Variants in ANKRD35 observed in about 807,000 individuals in gnomAD.
ANKRD35 encodes ankyrin repeat domain-containing protein 35.
In ANKRD35, 102 loss-of-function variants were observed where a neutral mutation model predicts 109.9. The observed-to-expected ratio is 0.93, with a 90% confidence interval of 0.79 to 1.09. ANKRD35 has a LOEUF of 1.09. Among genes scored for constraint, ANKRD35 ranks in the 50% least tolerant of loss-of-function variants. The probability of loss-of-function intolerance (pLI) is 0.00; values close to 1 mark genes in which losing one functional copy is unlikely to be tolerated. For synonymous variants in ANKRD35, 515 were observed against 512.4 expected, an observed-to-expected ratio of 1.01 and a Z score of -0.07; for missense variants, 1,240 against 1,230.1, an observed-to-expected ratio of 1.01 and a Z score of -0.12.
Position 145,873,536 on chromosome 1 carries a change from C to T in ANKRD35, c.1233G>A (p.Lys411=). Residue 411 remains lysine, a synonymous_variant, in exon 10 of 14, where the codon AAG becomes AAA. Coordinates refer to ENST00000355594, the MANE Select transcript of ANKRD35 (RefSeq NM_144698.5). ...ACCTTCCATGGACTTCATACTGGAT[C>T]TTTCCTGGGGCTGAGTCCTCAGCCT... ...PKKAEDSAPG[K]IQYEVHGRSQ... is the part of the protein sequence containing the mutation. The T allele has an allele frequency of 6.2e-7, 1 of 1,614,054 alleles. No homozygotes were observed. The highest frequency in any genetic ancestry group is 1.1e-5 in the South Asian group (1 of 91,078).
intron 1 of ANKRD35, among the ~76,000 whole-genome samples, chr1:145,883,644 G>A (rs1553741486): frequency 6.6e-6 from 1 of 152,226 alleles, no homozygotes; most frequent in Non-Finnish European, 1.5e-5. Context: ...ATGTGTGAGT[G>A]GAGATGGGTA....
At position 145,872,539 on chromosome 1, in the gene ANKRD35, G is replaced by A. The variant is rs587654449; in HGVS notation, c.2230C>T (p.Gln744Ter). The change falls in exon 10 of 14, where the codon CAG becomes TAG. Residue 744 changes from glutamine to a stop codon, truncating the protein, a stop_gained. Transcript: ENST00000355594. LOFTEE classifies it high-confidence loss of function. ...TCTTGCAGCCGAGCCAGCACCTGCT[G>A]GGCCTCCCGGTGCCGATCCACCAGG... Reference protein sequence around the residue: ...STLVDRHREAQQVLARLQEEN... With the variant: ...STLVDRHREA The A allele has an allele frequency of 7.5e-6, 12 of 1,607,284 alleles. No individual in the cohort carries two copies. In the East Asian group the frequency reaches 2.5e-4, roughly 33 times the overall value.
chr1:145,872,973 A>G lies in ANKRD35; in HGVS notation c.1796T>C (p.Leu599Pro), dbSNP rs112223977. 5.4e-3 allele frequency: 8,651 copies of G among 1,609,458 alleles called. 436 individuals carry two copies. In the African/African-American group the frequency reaches 0.1, roughly 19 times the overall value. Residue 599 changes from leucine to proline, a missense_variant, in exon 10 of 14, where the codon CTT (leucine) becomes CCT (proline). Coordinates refer to ENST00000355594, the MANE Select transcript of ANKRD35 (RefSeq NM_144698.5). ...PGAQGEPLGALGGEKALGGLA... is the reference protein window; with the variant it reads ...PGAQGEPLGAPGGEKALGGLA... The stretch of plus-strand genomic sequence containing the variant: ...GCCTCCTAGGGCCTTTTCCCCTCCA[A>G]GGGCCCCTAGAGGCTCTCCTTGAGC...
In ANKRD35 at chr1:145,873,683, G is replaced by A; in HGVS notation, c.1086C>T (p.Leu362=). 1 of 1,614,136 alleles carries A rather than the reference G, an allele frequency of 6.2e-7. No homozygotes were observed. Among genetic ancestry groups the A allele is most frequent in the South Asian group, 1.1e-5 (1 of 91,088 alleles). Residue 362 remains leucine (L), a synonymous_variant, in exon 10 of 14, where the codon CTC becomes CTT. Transcript: ENST00000355594. ...PRASGKQGSS[L]RPGGDGMEQG... ...GCTCCATGCCATCCCCTCCAGGCCGGAGACTAGAGCCTTGCTTTCCTGAAG... is the reference window on the plus strand; with the variant it reads ...GCTCCATGCCATCCCCTCCAGGCCGAAGACTAGAGCCTTGCTTTCCTGAAG...
In ANKRD35 at chr1:145,873,859, C is replaced by T. The variant is rs1653953477; in HGVS notation, c.910G>A (p.Glu304Lys). Residue 304 changes from glutamate (E) to lysine (K), a missense_variant, in exon 10 of 14, where the codon GAG becomes AAG. By Grantham distance (56) the Glu-to-Lys change is moderately conservative. Coordinates refer to ENST00000355594, the MANE Select transcript of ANKRD35 (RefSeq NM_144698.5). Reference protein sequence around the residue: ...CSEEWRWKYEEERRKVVRLEQ... With the variant: ...CSEEWRWKYEKERRKVVRLEQ... ...AGCCGAACAACTTTCCTCCGCTCCT[C>T]TTCATACTTCCACCTCCACTCCTCC... 1.9e-6 allele frequency: 3 copies of T among 1,613,628 alleles called. No individual in the cohort carries two copies. Among genetic ancestry groups the T allele is most frequent in the Non-Finnish European group, 1.7e-6 (2 of 1,179,780 alleles).
intron 6 of ANKRD35, 100 bp from the exon 7 acceptor site, chr1:145,876,346 A>C: frequency 7.1e-6 from 9 of 1,273,050 alleles, no homozygotes; most frequent in Non-Finnish European, 1.0e-5. Context: ...AAAAAAAATA[A>C]AAGCCCAGAT....
Position 145,878,494 on chromosome 1 carries a change from G to C in ANKRD35, c.171-15C>G. 1 of 1,558,480 alleles carries C rather than the reference G, an allele frequency of 6.4e-7. No individual in the cohort carries two copies. The highest frequency in any genetic ancestry group is 8.7e-7 in the Non-Finnish European group (1 of 1,149,932). On this transcript the variant is annotated splice_polypyrimidine_tract_variant and intron_variant, in intron 2 of 13. Transcript: ENST00000355594. ...CCAGATGAAACCTGCCAGAATCAAG[G>C]CCGAGAGGCCAAAGGATAAAGGGAC... is the stretch of plus-strand genomic sequence containing the variant.
At chr1:145,868,163 T>C in intron 11 of ANKRD35, 107 bp from the exon 12 acceptor site, 2 of 1,452,558 alleles carry the variant, frequency 1.4e-6, no homozygotes, top group South Asian at 2.3e-5. Flanking sequence ...CGTTGGCCCA[T>C]CACTGGCCCA....
chr1:145,868,409 A>G lies in ANKRD35; in HGVS notation c.2788-9T>C. On this transcript the variant is annotated splice_polypyrimidine_tract_variant and intron_variant, in intron 10 of 13. Coordinates refer to ENST00000355594, the MANE Select transcript of ANKRD35 (RefSeq NM_144698.5). Reference sequence around the variant, plus strand: ...TTCAACAACTCCTTGATCTGAGGCCAAGAGGAAAGAGGCAACCAATGAGGC... The same window carrying G: ...TTCAACAACTCCTTGATCTGAGGCCGAGAGGAAAGAGGCAACCAATGAGGC... 1 of 1,613,652 alleles carries G rather than the reference A, an allele frequency of 6.2e-7. No individual in the cohort carries two copies. The highest frequency in any genetic ancestry group is 8.5e-7 in the Non-Finnish European group (1 of 1,179,578).
chr1:145,871,459 G>A (rs1210407207), intron 10 of ANKRD35, among the ~76,000 whole-genome samples: 1 of 152,180 alleles, frequency 6.6e-6, no homozygotes, highest in South Asian at 2.1e-4. Flanking sequence ...CACCGCGCCC[G>A]GCCTCAAGAT....
At chr1:145,876,760 C>T (rs983337169) in intron 5 of ANKRD35, 56 bp downstream of exon 5, 3 of 1,612,706 alleles carry the variant, frequency 1.9e-6, no homozygotes, top group South Asian at 1.1e-5. Flanking sequence ...CTCACGCCTC[C>T]CCTTTCCCAC....
Position 145,868,415 on chromosome 1 carries a change from A to G in ANKRD35, c.2788-15T>C, listed in dbSNP as rs1653684927. On this transcript the variant is annotated splice_polypyrimidine_tract_variant and intron_variant, in intron 10 of 13. Coordinates refer to ENST00000355594, the MANE Select transcript of ANKRD35 (RefSeq NM_144698.5). Reference sequence around the variant, plus strand: ...AACTCCTTGATCTGAGGCCAAGAGGAAAGAGGCAACCAATGAGGCTCCAAG... The same window carrying G: ...AACTCCTTGATCTGAGGCCAAGAGGGAAGAGGCAACCAATGAGGCTCCAAG... 2.5e-6 allele frequency: 4 copies of G among 1,613,226 alleles called. No homozygotes were observed. Among genetic ancestry groups the G allele is most frequent in the African/African-American group, 1.3e-5 (1 of 74,882 alleles).
intron 6 of ANKRD35, 112 bp downstream of exon 6, chr1:145,876,457 G>GA (rs1470872306): frequency 7.7e-7 from 1 of 1,299,180 alleles, no homozygotes; most frequent in East Asian, 2.3e-5. Flanking sequence ...GGAGAAGGAA[G>GA]AGAAGGGTGG....
chr1:145,876,151 G>T lies in ANKRD35; in HGVS notation c.549C>A (p.Asp183Glu), dbSNP rs1553740016. 6.2e-7 allele frequency: 1 copy of T among 1,613,866 alleles called. No individual in the cohort carries two copies. Among genetic ancestry groups the T allele is most frequent in the South Asian group, 1.1e-5 (1 of 91,020 alleles). ...CGAGGGGGGCTCACTTGTCATTCTT[G>T]TCTGTAACATTAACTCGGGCGCCTC... is the stretch of plus-strand genomic sequence containing the variant. ...LQRGARVNVT[D>E]KNDKSALILA... The change falls in exon 7 of 14, where the codon GAC becomes GAA. Residue 183 changes from aspartate to glutamate, a missense_variant. By Grantham distance (45) the Asp-to-Glu change is conservative (BLOSUM62 2). Coordinates refer to ENST00000355594, the MANE Select transcript of ANKRD35 (RefSeq NM_144698.5).
At chr1:145,879,554 A>C (rs1365392809) in intron 1 of ANKRD35, among the ~76,000 whole-genome samples, 166 bp from the exon 2 acceptor site, 1 of 152,128 alleles carries the variant, frequency 6.6e-6, no homozygotes, top group Non-Finnish European at 1.5e-5. Flanking sequence ...GGGCCTAGCT[A>C]AATCTTAACC....
intron 1 of ANKRD35, among the ~76,000 whole-genome samples, chr1:145,884,660 A>G (rs1272340661): frequency 4.6e-5 from 7 of 151,668 alleles, no homozygotes; most frequent in Non-Finnish European, 1.5e-5. Context: ...CTGGGAGAAC[A>G]TGGGGAATAG....
chr1:145,876,102 G>T (rs1553739993), intron 7 of ANKRD35, 38 bp downstream of exon 7: 2 of 1,587,212 alleles, frequency 1.3e-6, no homozygotes, highest in South Asian at 2.2e-5. Context: ...AAATTGGTCA[G>T]GCATGGGAAT....
rs782125816 is a variant in ANKRD35, at chr1:145,876,873, G to A, written c.325C>T (p.His109Tyr). The A allele has an allele frequency of 1.2e-5, 19 of 1,613,904 alleles. No individual in the cohort carries two copies. Among genetic ancestry groups the A allele is most frequent in the Non-Finnish European group, 2.5e-6 (3 of 1,180,036 alleles). ...TCCACAGCATCTTCATTAGCACCAT[G>A]CTGCAAATGGCCACAAAGGGAAGCA... is the stretch of plus-strand genomic sequence containing the variant. ...QPQCVKVLLQ[H>Y]GANEDAVDAE... Residue 109 changes from histidine to tyrosine, a missense_variant and splice_region_variant, in exon 5 of 14, where the codon CAT becomes TAT. By Grantham distance (83) the His-to-Tyr change is moderately conservative (BLOSUM62 2). Transcript: ENST00000355594.
In ANKRD35 at chr1:145,885,806, C is replaced by T. The variant is rs923930882; in HGVS notation, c.-48G>A. ...GATGGGGACGCGCAGAGAGCCGGGC[C>T]ACAGGTTCCCGAACCCACCGGACTT... On this transcript the variant is annotated 5_prime_UTR_variant, in exon 1 of 14. Coordinates refer to ENST00000355594, the MANE Select transcript of ANKRD35 (RefSeq NM_144698.5). The T allele has an allele frequency of 2.7e-6, 4 of 1,463,782 alleles. No individual in the cohort carries two copies. The African/African-American group carries it at 4.2e-5, about 15-fold the overall frequency. The allele number at this position is 1,463,782 out of a possible 1,614,324, so 90.7% of individuals were successfully genotyped here.
Sources: gnomAD v4.1 joint callset for allele counts (sites outside exome capture counted in the v4.1 genomes callset) on GRCh38, gnomAD v4.1.1 for gene constraint, MANE v1.5 for transcripts, NCBI Gene and HGNC (gene_info 2026-07-23, HGNC 2026-07-21) for gene names.